Variants in CLIP4 observed in about 807,000 individuals in gnomAD.
CLIP4 encodes CAP-Gly domain containing linker protein family member 4.
A neutral mutation model predicts 73.1 loss-of-function variants in CLIP4; 47 were observed. That is an observed-to-expected ratio of 0.64 (90% confidence interval 0.51 to 0.82). CLIP4 has a LOEUF of 0.82. CLIP4 is among the 40% of genes least tolerant of loss of function. The probability of loss-of-function intolerance (pLI) is 0.00; values close to 1 mark genes in which losing one functional copy is unlikely to be tolerated. For missense variants in CLIP4, 874 were observed against 852.9 expected (o/e 1.02, Z -0.31); for synonymous variants, 306 against 295.4 (o/e 1.04, Z -0.37).
chr2:29,157,159 C>T lies in CLIP4; in HGVS notation c.1256-45C>T, dbSNP rs746909538. On this transcript the variant is annotated intron_variant, in intron 10 of 15. Transcript: ENST00000320081. ...TGCCTTGACAAGCTGCTTCTTGGTC[C>T]ACATCTTATTTTCCACCGTTTGACA... The T allele has an allele frequency of 1.9e-6, 3 of 1,555,112 alleles. No individual in the cohort carries two copies. The South Asian group carries it at 3.4e-5, about 17-fold the overall frequency.
intron 1 of CLIP4, among the ~76,000 whole-genome samples, chr2:29,116,023 G>A (rs1200461013): frequency 6.6e-6 from 1 of 152,186 alleles, no homozygotes; most frequent in East Asian, 1.9e-4. Flanking sequence ...GTCCCCGCAC[G>A]CGCAGTGGCT....
intron 6 of CLIP4, among the ~76,000 whole-genome samples, chr2:29,143,400 G>GTTT (rs745440777): frequency 2.6e-3 from 103 of 39,494 alleles, no homozygotes; most frequent in Non-Finnish European, 4.7e-3. Flanking sequence ...CCCCTTCCCT[G>GTTT]TTTTTTTTTT....
chr2:29,151,726 T>C (rs1346712474), intron 8 of CLIP4, among the ~76,000 whole-genome samples: 1 of 152,210 alleles, frequency 6.6e-6, no homozygotes, highest in East Asian at 1.9e-4. Flanking sequence ...ATAATGTATA[T>C]TTGCTAGATT....
intron 6 of CLIP4, among the ~76,000 whole-genome samples, chr2:29,141,538 GTCT>G (rs1665766464): frequency 6.6e-6 from 1 of 152,146 alleles, no homozygotes; most frequent in African/African-American, 2.4e-5. Context: ...GGATAGTTAA[GTCT>G]TCTTGTTGAA....
intron 1 of CLIP4, among the ~76,000 whole-genome samples, chr2:29,102,583 A>C (rs1668080774): frequency 6.6e-6 from 1 of 151,494 alleles, no homozygotes; most frequent in Admixed American, 6.6e-5. Context: ...TTCCCATACA[A>C]GGTGTCTCAT....
chr2:29,117,523 G>A (rs577547768), intron 1 of CLIP4, among the ~76,000 whole-genome samples: 2 of 152,064 alleles, frequency 1.3e-5, no homozygotes, highest in Non-Finnish European at 2.9e-5. Context: ...TTTGCTGTGG[G>A]GTTTCACCAT....
Position 29,102,931 on chromosome 2 carries a change from C to T in CLIP4, c.-16+4984C>T, listed in dbSNP as rs535544242. 9.2e-5 allele frequency among the ~76,000 whole-genome samples: 14 copies of T among 152,188 alleles called. No individual in the cohort carries two copies. The East Asian group carries it at 2.3e-3, about 25-fold the overall frequency. On this transcript the variant is annotated intron_variant, in intron 1 of 14. Transcript: ENST00000401605. ...CTGCGCCCAGTACACCACTTCCTTT[C>T]GGTTCCCACCCTGCCCCAGGACCTC...
intron 11 of CLIP4, among the ~76,000 whole-genome samples, chr2:29,158,085 A>G (rs1667044952): frequency 6.6e-6 from 1 of 152,236 alleles, no homozygotes; most frequent in Non-Finnish European, 1.5e-5. Context: ...GCTCTCAACA[A>G]TAACATTGAC....
At position 29,127,838 on chromosome 2, in the gene CLIP4, A is replaced by T. The variant is rs1431489612; in HGVS notation, c.134-3420A>T. Among the ~76,000 whole-genome samples, 6 of 152,178 alleles carry T rather than the reference A, an allele frequency of 3.9e-5. 2 individuals are homozygous for T. Among genetic ancestry groups the T allele is most frequent in the Non-Finnish European group, 8.8e-5 (6 of 68,014 alleles). ...GTCTGTAGATGGCAAAAGATTTAAA[A>T]TGTCCATAGTTACAGATTTGATGAC... On this transcript the variant is annotated intron_variant, in intron 2 of 15. Transcript: ENST00000320081.
intron 1 of CLIP4, among the ~76,000 whole-genome samples, chr2:29,102,081 G>C (rs1029039324): frequency 3.3e-5 from 5 of 152,100 alleles, no homozygotes; most frequent in Non-Finnish European, 2.9e-5. Flanking sequence ...CTCCTTGAAG[G>C]CCTTTGTCAT....
intron 14 of CLIP4, among the ~76,000 whole-genome samples, chr2:29,172,961 ATATT>A (rs1277468536): frequency 6.6e-6 from 1 of 152,160 alleles, no homozygotes; most frequent in Non-Finnish European, 1.5e-5. Flanking sequence ...ATGTCTTTAA[ATATT>A]TAAAGTATTA....
At chr2:29,169,329 CTGTGTGTGTGTGTGTGTGTGTGTGTGTG>C (rs70958249) in intron 14 of CLIP4, among the ~76,000 whole-genome samples, 4 of 140,426 alleles carry the variant, frequency 2.8e-5, no homozygotes, top group East Asian at 4.0e-4. Context: ...GTCTTTTTCA[CTGTGTGTGTGTGTGTGTGTGTGTGTGTG>C]TGTGTGTGTG....
At chr2:29,125,034 C>T (rs527588478) in intron 2 of CLIP4, among the ~76,000 whole-genome samples, 72 of 152,220 alleles carry the variant, frequency 4.7e-4, no homozygotes, top group Non-Finnish European at 6.6e-4. Flanking sequence ...GAACTTTGTT[C>T]TGGGATACAG....
intron 2 of CLIP4, among the ~76,000 whole-genome samples, 178 bp downstream of exon 2, chr2:29,121,699 C>T (rs920428505): frequency 1.3e-5 from 2 of 152,068 alleles, no homozygotes; most frequent in African/African-American, 4.8e-5. Context: ...AAGCTAAATG[C>T]TTTATTTCTG....
chr2:29,114,680 CAG>C (rs1668478126), upstream of CLIP4, among the ~76,000 whole-genome samples: 1 of 152,212 alleles, frequency 6.6e-6, no homozygotes, highest in South Asian at 2.1e-4. Flanking sequence ...TCTGCTCTTG[CAG>C]AGACACTGAC....
At chr2:29,117,505 T>G (rs1490067066) in intron 1 of CLIP4, among the ~76,000 whole-genome samples, 1 of 152,098 alleles carries the variant, frequency 6.6e-6, no homozygotes, top group Non-Finnish European at 1.5e-5. Context: ...TACCACACCC[T>G]GTTAATTTTT....
chr2:29,141,415 TG>T (rs1665757619), intron 6 of CLIP4, among the ~76,000 whole-genome samples: 4 of 152,354 alleles, frequency 2.6e-5, no homozygotes, highest in Middle Eastern at 6.8e-3. Flanking sequence ...ATGCTTTCAG[TG>T]GGGTGTTGAA....
intron 1 of CLIP4, among the ~76,000 whole-genome samples, chr2:29,101,834 T>C (rs1354595744): frequency 6.6e-6 from 1 of 152,214 alleles, no homozygotes. Flanking sequence ...TCAAGCCAGA[T>C]ACTCTGCACC....
Position 29,133,211 on chromosome 2 carries a change from A to G in CLIP4, c.368-444A>G, listed in dbSNP as rs75013952. On this transcript the variant is annotated intron_variant, in intron 4 of 15. Transcript: ENST00000320081. Reference sequence around the variant, plus strand: ...TAAAAAAGAGGAAAGAATAAAAGGCATAAGACTACATTTCAGTTAACATAA... The same window carrying G: ...TAAAAAAGAGGAAAGAATAAAAGGCGTAAGACTACATTTCAGTTAACATAA... Among the ~76,000 whole-genome samples, 983 of 152,288 alleles carry G rather than the reference A, an allele frequency of 6.5e-3. 5 individuals carry two copies. Among genetic ancestry groups the G allele is most frequent in the Non-Finnish European group, 0.01 (687 of 68,010 alleles).
Sources: allele counts gnomAD v4.1 joint callset (sites outside exome capture counted in the v4.1 genomes callset), GRCh38; gene constraint gnomAD v4.1.1; transcripts MANE v1.5; gene names NCBI Gene and HGNC (gene_info 2026-07-23, HGNC 2026-07-21).